The following DGKB variants were observed in gnomAD, a reference collection of about 807,000 sequenced individuals.
DGKB encodes diacylglycerol kinase beta, also known as 90 kDa diacylglycerol kinase.
In DGKB, 67 loss-of-function variants were observed where a neutral mutation model predicts 114.3. That is an observed-to-expected ratio of 0.59 (90% CI 0.48 to 0.72). The LOEUF is 0.72. DGKB is among the 30% of genes least tolerant of loss of function. DGKB has a pLI of 0.00. For missense variants in DGKB, 907 were observed against 975.2 expected, an observed-to-expected ratio of 0.93 and a Z score of 0.93; for synonymous variants, 398 against 323.1, an observed-to-expected ratio of 1.23 and a Z score of -2.49.
At chr7:14,215,437 G>A (rs564595749) in intron 23 of DGKB, among the ~76,000 whole-genome samples, 3 of 152,102 alleles carry the variant, frequency 2.0e-5, no homozygotes, top group African/African-American at 7.2e-5. Context: ...TCTCTTGCAC[G>A]TACACTCCCT....
At chr7:14,942,994 A>AT (rs1785656223) in intron 1 of DGKB, among the ~76,000 whole-genome samples, 2 of 151,828 alleles carry the variant, frequency 1.3e-5, no homozygotes, top group African/African-American at 2.4e-5. Context: ...ACAGGGATGT[A>AT]GTCTATTTCA....
At chr7:14,249,118 A>G (rs1248485032) in intron 23 of DGKB, among the ~76,000 whole-genome samples, 1 of 152,180 alleles carries the variant, frequency 6.6e-6, no homozygotes, top group Admixed American at 6.5e-5. Flanking sequence ...GTTTTTGTAC[A>G]TCATTCTGGA....
chr7:14,328,100 T>A (rs570501747), intron 23 of DGKB, among the ~76,000 whole-genome samples: 67 of 152,230 alleles, frequency 4.4e-4, no homozygotes, highest in African/African-American at 1.4e-3. Context: ...TGATACTAGT[T>A]GACTTTCCAT....
At chr7:14,879,208 G>A (rs1853835211) in intron 1 of DGKB, among the ~76,000 whole-genome samples, 1 of 151,790 alleles carries the variant, frequency 6.6e-6, no homozygotes, top group African/African-American at 2.4e-5. Flanking sequence ...CTACTTTAGT[G>A]TATTTCAAAA....
At chr7:14,384,080 C>T (rs973237446) in intron 21 of DGKB, among the ~76,000 whole-genome samples, 1 of 152,144 alleles carries the variant, frequency 6.6e-6, no homozygotes, top group Non-Finnish European at 1.5e-5. Flanking sequence ...TCATTCCTAC[C>T]TTAATTTTAG....
chr7:14,663,767 TCTC>T (rs1817567868), intron 13 of DGKB, among the ~76,000 whole-genome samples: 3 of 148,826 alleles, frequency 2.0e-5, no homozygotes, highest in Admixed American at 6.8e-5. Flanking sequence ...CTTCCACACT[TCTC>T]CTCTTTTCTA....
intron 4 of DGKB, among the ~76,000 whole-genome samples, chr7:14,738,986 AG>A (rs201399855): frequency 2.0e-4 from 31 of 152,360 alleles, no homozygotes; most frequent in African/African-American, 7.5e-4. Flanking sequence ...CTAACTGATA[AG>A]GGGCAAAGAA....
chr7:14,208,552 T>A (rs570953993), intron 23 of DGKB, among the ~76,000 whole-genome samples: 1 of 152,168 alleles, frequency 6.6e-6, no homozygotes, highest in East Asian at 1.9e-4. Flanking sequence ...TCTTCTTCCC[T>A]CTTTCTTCTG....
In DGKB at chr7:14,806,122, G is replaced by A. The variant is rs1041634424; in HGVS notation, c.70+35072C>T. Among the ~76,000 whole-genome samples, 95 of 151,672 alleles carry A rather than the reference G, an allele frequency of 6.3e-4. 1 individual carries two copies. Among genetic ancestry groups the A allele is most frequent in the African/African-American group, 1.9e-3 (80 of 41,356 alleles). ...TGGCATAAAATTCTTTGCTTCCCGC[G>A]TCGTAGGTTTGCAGAGAAGCTTAGT... On this transcript the variant is annotated intron_variant, in intron 2 of 25. Coordinates refer to ENST00000402815, the MANE Select transcript of DGKB (RefSeq NM_001350709.2).
At chr7:14,610,716 C>A (rs1805394475) in intron 16 of DGKB, among the ~76,000 whole-genome samples, 1 of 152,024 alleles carries the variant, frequency 6.6e-6, no homozygotes, top group East Asian at 1.9e-4. Context: ...GTGGACAACT[C>A]TGTGCCTTCC....
Position 14,284,890 on chromosome 7 carries a change from T to C in DGKB, c.2122+53625A>G, listed in dbSNP as rs62443702. On this transcript the variant is annotated intron_variant, in intron 23 of 25. Coordinates refer to ENST00000402815, the MANE Select transcript of DGKB (RefSeq NM_001350709.2). ...GTGGGGGGAGGGGGGAGGGATAGCA[T>C]TGGGAGATATACCTAATGCTAGATG... Among the ~76,000 whole-genome samples the C allele has an allele frequency of 1.4e-4, 21 of 145,382 alleles. No homozygotes were observed. The East Asian group carries it at 1.5e-3, about 11-fold the overall frequency.
intron 23 of DGKB, among the ~76,000 whole-genome samples, chr7:14,284,918 G>T (rs1171487828): frequency 6.7e-6 from 1 of 150,354 alleles, no homozygotes; most frequent in South Asian, 2.1e-4. Context: ...GCTAGATGAC[G>T]AGTTAGTGGG....
intron 1 of DGKB, among the ~76,000 whole-genome samples, chr7:14,900,978 T>C (rs1166969790): frequency 6.6e-6 from 1 of 152,192 alleles, no homozygotes; most frequent in Non-Finnish European, 1.5e-5. Context: ...TCGTTTTCTT[T>C]CTCATTGCTG....
chr7:14,351,177 C>T (rs753421422), intron 21 of DGKB, among the ~76,000 whole-genome samples: 1 of 152,164 alleles, frequency 6.6e-6, no homozygotes, highest in African/African-American at 2.4e-5. Context: ...AGAATCAATT[C>T]AGTTTTATTC....
intron 4 of DGKB, among the ~76,000 whole-genome samples, chr7:14,747,789 A>ACACACACACACG (rs1179350624): frequency 1.6e-4 from 24 of 149,382 alleles, no homozygotes; most frequent in African/African-American, 5.9e-4. Flanking sequence ...GCACACACAC[A>ACACACACACACG]CACACACACA....
intron 17 of DGKB, among the ~76,000 whole-genome samples, chr7:14,590,954 T>C (rs1801610260): frequency 6.6e-6 from 1 of 152,036 alleles, no homozygotes; most frequent in Admixed American, 6.6e-5. Context: ...TAACAAGCAG[T>C]AAGGAGAGTT....
chr7:14,889,275 A>C (rs946255223), intron 1 of DGKB, among the ~76,000 whole-genome samples: 1 of 151,712 alleles, frequency 6.6e-6, no homozygotes, highest in Non-Finnish European at 1.5e-5. Context: ...CTCTACCAGC[A>C]TTCCATGTAG....
At chr7:14,712,448 G>A (rs1009078398) in intron 6 of DGKB, among the ~76,000 whole-genome samples, 7 of 151,930 alleles carry the variant, frequency 4.6e-5, no homozygotes, top group Admixed American at 2.0e-4. Context: ...TGAGGCGGGC[G>A]GATATTTGAG....
At chr7:14,629,050 G>T (rs1563726269) in intron 14 of DGKB, among the ~76,000 whole-genome samples, 1 of 151,954 alleles carries the variant, frequency 6.6e-6, no homozygotes, top group African/African-American at 2.4e-5. Flanking sequence ...GATCTAAAGA[G>T]AAAAGTTTAG....
Sources: gnomAD v4.1 joint callset for allele counts (sites outside exome capture counted in the v4.1 genomes callset) on GRCh38, gnomAD v4.1.1 for gene constraint, MANE v1.5 for transcripts, NCBI Gene and HGNC (gene_info 2026-07-23, HGNC 2026-07-21) for gene names.